OSBPL10: variants seen among roughly 807,000 people sequenced by gnomAD.
OSBPL10 encodes the protein oxysterol binding protein like 10, also known as oxysterol-binding protein-related protein 10.
In OSBPL10, 49 loss-of-function variants were observed where a neutral mutation model predicts 81.7. The ratio of observed to expected loss-of-function variants is 0.60; its 90% CI spans 0.48 to 0.76. OSBPL10 has a LOEUF of 0.76. OSBPL10 is among the 30% of genes least tolerant of loss of function. The pLI, the probability that OSBPL10 is intolerant of heterozygous loss-of-function variation, is 0.00. For synonymous variants in OSBPL10, 419 were observed against 383.6 expected (o/e 1.09, Z -1.08); for missense variants, 923 against 987.8 (o/e 0.93, Z 0.88).
In OSBPL10 at chr3:31,748,052, G is replaced by T; in HGVS notation, c.798C>A (p.Gly266=). The change falls in exon 5 of 12, where the codon GGC becomes GGA. Residue 266 remains glycine, a synonymous_variant. Coordinates refer to ENST00000396556, the MANE Select transcript of OSBPL10 (RefSeq NM_017784.5). ...VHAIESLPGS[G]PLTALDQDLL... is the part of the protein sequence containing the mutation. ...GGTCCTGGTCCAAGGCAGTGAGGGG[G>T]CCGGACCCTGGCAGGGACTCAATGG... The T allele has an allele frequency of 6.2e-7, 1 of 1,614,152 alleles. No individual in the cohort carries two copies. The highest frequency in any genetic ancestry group is 1.3e-5 in the African/African-American group (1 of 75,028).
chr3:32,028,511 A>T (rs956421365), intron 2 of OSBPL10, among the ~76,000 whole-genome samples: 1 of 152,210 alleles, frequency 6.6e-6, no homozygotes, highest in African/African-American at 2.4e-5. Context: ...ACAAGTATTG[A>T]TTTGTAAAAT....
intron 11 of OSBPL10, 198 bp downstream of exon 11, chr3:31,663,880 GA>G (rs1389884620): frequency 1.4e-6 from 2 of 1,456,000 alleles, no homozygotes; most frequent in African/African-American, 2.8e-5. Flanking sequence ...CTGCCCTCCA[GA>G]AGGTTTCATG....
At chr3:31,711,796 A>C (rs1347273740) in intron 6 of OSBPL10, among the ~76,000 whole-genome samples, 1 of 152,236 alleles carries the variant, frequency 6.6e-6, no homozygotes, top group Non-Finnish European at 1.5e-5. Flanking sequence ...TACACCTGTA[A>C]ATATACTAAA....
intron 1 of OSBPL10, among the ~76,000 whole-genome samples, chr3:31,890,127 CA>C (rs201495478): frequency 6.6e-6 from 1 of 150,564 alleles, no homozygotes; most frequent in Non-Finnish European, 1.5e-5. Flanking sequence ...CCCTCAAGTA[CA>C]AAAAACAGTG....
intron 4 of OSBPL10, among the ~76,000 whole-genome samples, chr3:31,828,635 C>T (rs1362127596): frequency 6.6e-6 from 1 of 152,184 alleles, no homozygotes; most frequent in Admixed American, 6.5e-5. Context: ...TAGGATCAAG[C>T]GATTATCCTG....
At chr3:31,992,081 G>T (rs565259041) in intron 2 of OSBPL10, among the ~76,000 whole-genome samples, 1 of 151,478 alleles carries the variant, frequency 6.6e-6, no homozygotes, top group Admixed American at 6.6e-5. Flanking sequence ...GGGAGGCAGA[G>T]GTCGCAGTGA....
At chr3:31,980,854 C>T (rs763125097) in intron 1 of OSBPL10, 45 bp downstream of exon 1, 3 of 1,519,862 alleles carry the variant, frequency 2.0e-6, no homozygotes, top group South Asian at 1.2e-5. Context: ...CACACACACA[C>T]ACACACACAG....
chr3:31,838,121 T>A (rs4610264), intron 3 of OSBPL10, among the ~76,000 whole-genome samples: 74,797 of 151,950 alleles, frequency 0.49, 19,443 homozygotes, highest in East Asian at 0.74. Flanking sequence ...ATACAAATAT[T>A]AACAAAACCA....
At chr3:31,801,048 T>C (rs1339433597) in intron 4 of OSBPL10, among the ~76,000 whole-genome samples, 2 of 151,834 alleles carry the variant, frequency 1.3e-5, no homozygotes, top group Non-Finnish European at 2.9e-5. Context: ...GACATCACCA[T>C]AGGTTCTCCA....
intron 1 of OSBPL10, among the ~76,000 whole-genome samples, chr3:31,952,639 T>TC (rs1268865287): frequency 2.6e-5 from 4 of 152,122 alleles, no homozygotes; most frequent in African/African-American, 9.7e-5. Flanking sequence ...CACGAAAGGA[T>TC]CAGAGGGAAC....
intron 4 of OSBPL10, among the ~76,000 whole-genome samples, chr3:31,774,587 A>G (rs887194123): frequency 6.6e-6 from 1 of 151,922 alleles, no homozygotes; most frequent in Non-Finnish European, 1.5e-5. Context: ...ATCTTGGCTC[A>G]CTGCTACCTC....
At chr3:31,772,885 A>G (rs902587927) in intron 4 of OSBPL10, among the ~76,000 whole-genome samples, 1 of 152,166 alleles carries the variant, frequency 6.6e-6, no homozygotes, top group African/African-American at 2.4e-5. Context: ...GATTCTCGGA[A>G]CCTTCCTCTT....
At chr3:32,005,266 T>C (rs756621968) in intron 2 of OSBPL10, among the ~76,000 whole-genome samples, 1 of 152,142 alleles carries the variant, frequency 6.6e-6, no homozygotes, top group Non-Finnish European at 1.5e-5. Flanking sequence ...GATCTACCCA[T>C]GATGCACACG....
intron 6 of OSBPL10, among the ~76,000 whole-genome samples, chr3:31,711,315 G>A (rs964140130): frequency 5.3e-5 from 8 of 152,216 alleles, no homozygotes; most frequent in Non-Finnish European, 7.4e-5. Flanking sequence ...GGAGGTGGAC[G>A]TAGAGGCCAT....
chr3:31,947,959 G>A (rs997477170), intron 1 of OSBPL10, among the ~76,000 whole-genome samples: 1 of 151,780 alleles, frequency 6.6e-6, no homozygotes, highest in Non-Finnish European at 1.5e-5. Context: ...AGGAAGCAGG[G>A]GATTGGGTTT....
intron 5 of OSBPL10, among the ~76,000 whole-genome samples, chr3:31,741,597 A>G (rs1697353270): frequency 6.6e-6 from 1 of 152,232 alleles, no homozygotes; most frequent in South Asian, 2.1e-4. Context: ...GTTGGCACTC[A>G]AAAACTCTGT....
intron 4 of OSBPL10, among the ~76,000 whole-genome samples, chr3:31,753,776 T>G (rs1293057726): frequency 6.6e-6 from 1 of 152,226 alleles, no homozygotes; most frequent in African/African-American, 2.4e-5. Flanking sequence ...ATCTTGATTC[T>G]TAATCTTAAT....
At chr3:31,954,889 A>G (rs1005298047) in intron 1 of OSBPL10, among the ~76,000 whole-genome samples, 4 of 152,250 alleles carry the variant, frequency 2.6e-5, no homozygotes, top group East Asian at 3.8e-4. Context: ...AAATGGATCT[A>G]TGGATGAGAC....
chr3:32,024,778 T>G (rs748385181), intron 2 of OSBPL10, among the ~76,000 whole-genome samples: 1 of 152,152 alleles, frequency 6.6e-6, no homozygotes, highest in Non-Finnish European at 1.5e-5. Context: ...CCGGCCGGAA[T>G]TATTTTCTTA....
Sources: allele counts gnomAD v4.1 joint callset (sites outside exome capture counted in the v4.1 genomes callset), GRCh38; gene constraint gnomAD v4.1.1; transcripts MANE v1.5; gene names NCBI Gene and HGNC (gene_info 2026-07-23, HGNC 2026-07-21).